The following CHSY3 variants were observed in gnomAD, a reference collection of about 807,000 sequenced individuals.
The protein encoded by CHSY3 is N-acetylgalactosaminyl-proteoglycan 3-beta-glucuronosyltransferase 3.
In CHSY3, 35 loss-of-function variants were observed where a neutral mutation model predicts 67.2. The ratio of observed to expected loss-of-function variants is 0.52; its 90% CI spans 0.40 to 0.69. CHSY3 has a LOEUF of 0.69. CHSY3 is among the 30% of genes least tolerant of loss of function. The pLI is 0.00. For synonymous variants in CHSY3, 474 were observed against 434.7 expected (o/e 1.09, Z -1.12); for missense variants, 1,069 against 1,138.5 (o/e 0.94, Z 0.88).
At chr5:130,172,132 T>A (rs1769910125) in intron 2 of CHSY3, among the ~76,000 whole-genome samples, 1 of 152,104 alleles carries the variant, frequency 6.6e-6, no homozygotes, top group Non-Finnish European at 1.5e-5. Flanking sequence ...CAACCATTTT[T>A]TTTTCCTTTT....
intron 2 of CHSY3, among the ~76,000 whole-genome samples, chr5:130,093,556 A>G (rs984315543): frequency 6.6e-6 from 1 of 152,180 alleles, no homozygotes; most frequent in Non-Finnish European, 1.5e-5. Flanking sequence ...GATGCTTCAT[A>G]TGCTTGAATT....
chr5:130,000,939 A>T (rs1400945339), intron 2 of CHSY3, among the ~76,000 whole-genome samples: 1 of 147,806 alleles, frequency 6.8e-6, no homozygotes, highest in Non-Finnish European at 1.5e-5. Context: ...CCCAGGCTGA[A>T]TTGTGCAGTG....
chr5:129,979,652 A>G (rs985979557), intron 2 of CHSY3, among the ~76,000 whole-genome samples: 3 of 152,146 alleles, frequency 2.0e-5, no homozygotes, highest in Non-Finnish European at 2.9e-5. Context: ...TTCACTCTCA[A>G]TGTTGTACAT....
At chr5:130,038,735 C>A (rs977652628) in intron 2 of CHSY3, among the ~76,000 whole-genome samples, 3 of 152,034 alleles carry the variant, frequency 2.0e-5, no homozygotes, top group African/African-American at 7.2e-5. Context: ...TTAACTTCCT[C>A]CATGCTGGGT....
intron 2 of CHSY3, among the ~76,000 whole-genome samples, chr5:130,078,154 G>A (rs571120355): frequency 4.6e-5 from 7 of 152,054 alleles, no homozygotes; most frequent in Admixed American, 6.6e-5. Flanking sequence ...GAATCAGATT[G>A]TCTGATCCCA....
chr5:129,993,494 C>T (rs943149318), intron 2 of CHSY3, among the ~76,000 whole-genome samples: 2 of 151,806 alleles, frequency 1.3e-5, no homozygotes, highest in Non-Finnish European at 2.9e-5. Flanking sequence ...GATCTTTGTT[C>T]GTTTAAAGTC....
At chr5:130,151,219 G>C (rs1580783753) in intron 2 of CHSY3, among the ~76,000 whole-genome samples, 2 of 152,280 alleles carry the variant, frequency 1.3e-5, no homozygotes, top group Middle Eastern at 6.8e-3. Context: ...ACACTTTTAA[G>C]TTTTGTAGGT....
chr5:130,035,858 A>G (rs1279673768), intron 2 of CHSY3, among the ~76,000 whole-genome samples: 1 of 143,474 alleles, frequency 7.0e-6, no homozygotes, highest in Non-Finnish European at 1.5e-5. Flanking sequence ...TCTAGGGCAC[A>G]TTCCCAAGTC....
intron 2 of CHSY3, among the ~76,000 whole-genome samples, chr5:129,978,884 A>C (rs1247279407): frequency 6.6e-6 from 1 of 152,162 alleles, no homozygotes; most frequent in South Asian, 2.1e-4. Context: ...CTTAATTAGC[A>C]TTATACTGTC....
At chr5:130,170,988 G>A (rs1769881448) in intron 2 of CHSY3, among the ~76,000 whole-genome samples, 1 of 152,122 alleles carries the variant, frequency 6.6e-6, no homozygotes, top group Admixed American at 6.6e-5. Flanking sequence ...CACTAGTGAA[G>A]GGAGTCGTTA....
chr5:130,144,782 G>A (rs1356052822), intron 2 of CHSY3, among the ~76,000 whole-genome samples: 2 of 152,102 alleles, frequency 1.3e-5, no homozygotes, highest in East Asian at 1.9e-4. Flanking sequence ...GTAACCAAAC[G>A]TATTAGGCCC....
intron 2 of CHSY3, among the ~76,000 whole-genome samples, chr5:129,981,050 C>CAAAAAAA (rs71000945): frequency 7.6e-6 from 1 of 130,936 alleles, no homozygotes; most frequent in Non-Finnish European, 1.6e-5. Context: ...ACTGAAAATA[C>CAAAAAAA]AAAAAAAAAA....
Position 130,148,668 on chromosome 5 carries a change from A to G in CHSY3, c.1087-35561A>G, listed in dbSNP as rs192505375. 2.4e-3 allele frequency among the ~76,000 whole-genome samples: 358 copies of G among 152,182 alleles called. 6 individuals are homozygous for G. In the South Asian group the frequency reaches 0.035, roughly 15 times the overall value. On this transcript the variant is annotated intron_variant, in intron 2 of 2. Transcript: ENST00000305031. ...TCAGTGATGTTGTTGAGCTTTTTTC[A>G]TATGCTTATTGGCTATATGTATGTC...
At chr5:130,157,653 C>T (rs569316636) in intron 2 of CHSY3, among the ~76,000 whole-genome samples, 41 of 152,304 alleles carry the variant, frequency 2.7e-4, no homozygotes, top group African/African-American at 6.7e-4. Flanking sequence ...AAAGGGCTCC[C>T]GATCCAGACC....
At chr5:130,056,062 T>C (rs903479554) in intron 2 of CHSY3, among the ~76,000 whole-genome samples, 3 of 152,172 alleles carry the variant, frequency 2.0e-5, no homozygotes, top group African/African-American at 7.2e-5. Context: ...ATGCCTATAA[T>C]GCTGTATCTA....
rs1339497315 is a variant in CHSY3, at chr5:130,184,622, G to A, written c.1480G>A (p.Ala494Thr). The change falls in exon 3 of 3, where the codon GCA (alanine) becomes ACA (threonine). Residue 494 changes from alanine (A) to threonine (T), a missense_variant. Ala to Thr is a moderately conservative substitution (Grantham distance 58). Coordinates refer to ENST00000305031, the MANE Select transcript of CHSY3 (RefSeq NM_175856.5). ...RQSLSSILRTALDDTVLQVME... is the reference protein window; with the variant it reads ...RQSLSSILRTTLDDTVLQVME... ...GAGCCTCAGTAGCATTTTAAGAACA[G>A]CACTGGATGATACCGTCCTACAGGT... 2 of 1,607,322 alleles carry A rather than the reference G, an allele frequency of 1.2e-6. No homozygotes were observed. The highest frequency in any genetic ancestry group is 1.7e-5 in the Admixed American group (1 of 59,996).
intron 2 of CHSY3, among the ~76,000 whole-genome samples, chr5:129,996,513 G>C (rs115142878): frequency 5.3e-5 from 8 of 152,236 alleles, no homozygotes; most frequent in Non-Finnish European, 1.2e-4. Flanking sequence ...GCCATAAACA[G>C]TTTCTGTTTT....
At chr5:129,947,761 A>C (rs138013417) in intron 2 of CHSY3, among the ~76,000 whole-genome samples, 124 of 152,084 alleles carry the variant, frequency 8.2e-4, no homozygotes, top group African/African-American at 2.8e-3. Flanking sequence ...CTTTTTCTTC[A>C]TGTCTTTACC....
intron 2 of CHSY3, among the ~76,000 whole-genome samples, chr5:129,961,345 A>G (rs929628132): frequency 2.0e-5 from 3 of 152,102 alleles, no homozygotes; most frequent in African/African-American, 7.2e-5. Flanking sequence ...AAATAGTTTT[A>G]TGTGAAATAG....
Sources: allele counts gnomAD v4.1 joint callset (sites outside exome capture counted in the v4.1 genomes callset), GRCh38; gene constraint gnomAD v4.1.1; transcripts MANE v1.5; gene names NCBI Gene and HGNC (gene_info 2026-07-23, HGNC 2026-07-21).